SLCO5A1: variants seen among roughly 807,000 people sequenced by gnomAD.
SLCO5A1 encodes the protein organic anion transporter polypeptide-related protein 4.
SLCO5A1 carries 39 observed loss-of-function variants against 65.1 expected under a neutral mutation model. That is an observed-to-expected ratio of 0.60 (90% CI 0.46 to 0.78). The LOEUF (loss-of-function observed/expected upper bound fraction) is 0.78. SLCO5A1 is among the 30% of genes least tolerant of loss of function. The probability of loss-of-function intolerance (pLI) is 0.00; values close to 1 mark genes in which losing one functional copy is unlikely to be tolerated. For synonymous variants in SLCO5A1, 438 were observed against 415.7 expected, an observed-to-expected ratio of 1.05 and a Z score of -0.65; for missense variants, 1,029 against 1,069.4, an observed-to-expected ratio of 0.96 and a Z score of 0.53.
At chr8:69,785,953 T>C (rs907485564) in intron 2 of SLCO5A1, among the ~76,000 whole-genome samples, 6 of 152,254 alleles carry the variant, frequency 3.9e-5, no homozygotes, top group African/African-American at 1.2e-4. Context: ...AAAGTTATTA[T>C]AGAGATGTTT....
intron 4 of SLCO5A1, among the ~76,000 whole-genome samples, chr8:69,747,376 G>A (rs1380784853): frequency 6.6e-6 from 1 of 151,790 alleles, no homozygotes; most frequent in African/African-American, 2.4e-5. Context: ...CTGCATCCAT[G>A]GATTCTGCAT....
chr8:69,698,611 T>C (rs1814595143), intron 6 of SLCO5A1, among the ~76,000 whole-genome samples: 1 of 152,350 alleles, frequency 6.6e-6, no homozygotes, highest in East Asian at 1.9e-4. Context: ...TGACTAGTGA[T>C]GTTGAGCATT....
At chr8:69,714,716 C>T (rs1815433157) in intron 5 of SLCO5A1, 1 of 152,206 alleles carries the variant, frequency 6.6e-6, no homozygotes, top group Non-Finnish European at 1.5e-5. Context: ...AGGAATTACA[C>T]ACTTCTAAAA....
chr8:69,700,898 T>C (rs935715577), intron 6 of SLCO5A1, among the ~76,000 whole-genome samples: 1 of 152,010 alleles, frequency 6.6e-6, no homozygotes, highest in Admixed American at 6.6e-5. Context: ...TACACAACCT[T>C]TTTGTAGCTA....
At chr8:69,782,999 A>ATC (rs1318265677) in intron 2 of SLCO5A1, among the ~76,000 whole-genome samples, 1 of 152,160 alleles carries the variant, frequency 6.6e-6, no homozygotes, top group Non-Finnish European at 1.5e-5. Flanking sequence ...GTGCTTCCTC[A>ATC]TCTATAAATA....
intron 5 of SLCO5A1, among the ~76,000 whole-genome samples, chr8:69,715,654 T>C (rs1483554201): frequency 6.6e-6 from 1 of 152,220 alleles, no homozygotes; most frequent in Non-Finnish European, 1.5e-5. Flanking sequence ...ATCTGAACTA[T>C]ACCTATTAGA....
intron 2 of SLCO5A1, among the ~76,000 whole-genome samples, chr8:69,796,124 A>C (rs956975847): frequency 2.6e-5 from 4 of 152,310 alleles, no homozygotes; most frequent in African/African-American, 9.6e-5. Flanking sequence ...AGGAGCTGTC[A>C]TGAAGGTCTC....
rs148779881 is a variant in SLCO5A1 at position 69,781,307 on chromosome 8, A to T, written c.908-19432T>A. Among the ~76,000 whole-genome samples the T allele has an allele frequency of 6.8e-4, 103 of 152,364 alleles. 3 individuals are homozygous for T. In the South Asian group the frequency reaches 0.013, roughly 19 times the overall value. ...AGTCCCTGCAGTCATTGGCATCACC[A>T]TGGCCATCCATTGGATTTTATAGAC... On this transcript the variant is annotated intron_variant, in intron 2 of 9. Coordinates refer to ENST00000260126, the MANE Select transcript of SLCO5A1 (RefSeq NM_030958.3).
intron 2 of SLCO5A1, among the ~76,000 whole-genome samples, chr8:69,784,902 GAAAGAAAGA>G (rs1818974435): frequency 6.8e-5 from 3 of 44,358 alleles, no homozygotes; most frequent in South Asian, 1.3e-3. Context: ...AAGGAAGAAA[GAAAGAAAGA>G]AAGAAAGAAA....
At chr8:69,737,428 T>G (rs1021805359) in intron 5 of SLCO5A1, among the ~76,000 whole-genome samples, 3 of 152,170 alleles carry the variant, frequency 2.0e-5, no homozygotes, top group Admixed American at 6.6e-5. Context: ...TACTGAAAAT[T>G]CCTCCAATAT....
chr8:69,789,384 T>G (rs571445279), intron 2 of SLCO5A1, among the ~76,000 whole-genome samples: 1 of 152,348 alleles, frequency 6.6e-6, no homozygotes, highest in Admixed American at 6.5e-5. Context: ...CAAGATGTTT[T>G]AGCTTCCTAG....
At position 69,678,988 on chromosome 8, in the gene SLCO5A1, G is replaced by A. The variant is rs182744732; in HGVS notation, c.2024+390C>T. On this transcript the variant is annotated intron_variant, in intron 8 of 9. Coordinates refer to ENST00000260126, the MANE Select transcript of SLCO5A1 (RefSeq NM_030958.3). ...AGATAATAGCCTTTGCTGTATGCAC[G>A]ATTTAGCAACTTTCTCAAATTACTT... Among the ~76,000 whole-genome samples the A allele has an allele frequency of 5.3e-5, 8 of 152,280 alleles. No individual in the cohort carries two copies. The East Asian group carries it at 9.6e-4, about 18-fold the overall frequency.
At chr8:69,680,875 A>T (rs1813738936) in intron 7 of SLCO5A1, among the ~76,000 whole-genome samples, 1 of 152,244 alleles carries the variant, frequency 6.6e-6, no homozygotes. Context: ...GGACTGTGAC[A>T]GAGTCAGACT....
At chr8:69,764,161 C>A (rs1817944927) in intron 2 of SLCO5A1, among the ~76,000 whole-genome samples, 1 of 152,220 alleles carries the variant, frequency 6.6e-6, no homozygotes, top group African/African-American at 2.4e-5. Context: ...CCACACCCAG[C>A]CAATAAACAC....
chr8:69,742,096 G>GCTGTCCCTAACTCT (rs1816810091), intron 4 of SLCO5A1, among the ~76,000 whole-genome samples: 1 of 152,180 alleles, frequency 6.6e-6, no homozygotes, highest in Non-Finnish European at 1.5e-5. Flanking sequence ...AAGTATTAGG[G>GCTGTCCCTAACTCT]ACAGTAGAGT....
intron 6 of SLCO5A1, among the ~76,000 whole-genome samples, chr8:69,697,338 C>T (rs561057667): frequency 1.6e-4 from 24 of 152,082 alleles, no homozygotes; most frequent in South Asian, 4.2e-4. Context: ...TGCAGTGAGC[C>T]GAGATTGTGC....
In SLCO5A1 at chr8:69,671,986, A is replaced by G. The variant is rs527803541; in HGVS notation, c.*883T>C. 5 of 152,362 alleles carry G rather than the reference A, an allele frequency of 3.3e-5. 2 individuals are homozygous for G. The South Asian group carries it at 1.0e-3, about 32-fold the overall frequency. The allele number at this position is 152,362 out of a possible 1,614,324, so 9.4% of individuals were successfully genotyped here. ...TGACTTTGTGGGCCCGTAGAGCTAA[A>G]GAAAATTTCTGCAACAATTTTCTTG... On this transcript the variant is annotated 3_prime_UTR_variant, in exon 10 of 10. Coordinates refer to ENST00000260126, the MANE Select transcript of SLCO5A1 (RefSeq NM_030958.3).
In SLCO5A1 at chr8:69,669,347, T is replaced by C. The variant is rs1422704785; in HGVS notation, c.*3522A>G. Reference sequence around the variant, plus strand: ...AAATTGAAATGCTTTAATCTCACGATTTTATAGTCACCTTGCCTTTGTTAA... The same window carrying C: ...AAATTGAAATGCTTTAATCTCACGACTTTATAGTCACCTTGCCTTTGTTAA... On this transcript the variant is annotated 3_prime_UTR_variant, in exon 10 of 10. Transcript: ENST00000260126. The C allele has an allele frequency of 6.6e-6, 1 of 152,172 alleles. No individual in the cohort carries two copies. Among genetic ancestry groups the C allele is most frequent in the Non-Finnish European group, 1.5e-5 (1 of 68,034 alleles). 9.4% of individuals were successfully genotyped at this position (152,172 alleles called of 1,614,324 possible).
At position 69,832,380 on chromosome 8, in the gene SLCO5A1, C is replaced by A. The variant is rs1450209920; in HGVS notation, c.294G>T (p.Arg98Ser). ...CCGAGAAGGTTTTGCTGAGGTCCAC[C>A]CTGTGGTTACAGTCCCCGAGCCCCG... ...TSAGLGDCNH[R>S]VDLSKTFSVS... The change falls in exon 2 of 10, where the codon AGG becomes AGT. Residue 98 changes from arginine (R) to serine (S), a missense_variant. Around this residue, in one of 3 missense-constraint regions of SLCO5A1, gnomAD observed 647 missense variants for 647.5 expected, o/e 1.00. Coordinates refer to ENST00000260126, the MANE Select transcript of SLCO5A1 (RefSeq NM_030958.3). This position sits in a 1 kb window ranked among gnomAD's most constrained non-coding sequence, Gnocchi z 4.5. 6.2e-7 allele frequency: 1 copy of A among 1,613,336 alleles called. No homozygotes were observed. Among genetic ancestry groups the A allele is most frequent in the Non-Finnish European group, 8.5e-7 (1 of 1,179,656 alleles).
Sources: allele counts gnomAD v4.1 joint callset (sites outside exome capture counted in the v4.1 genomes callset), GRCh38; gene constraint gnomAD v4.1.1; regional missense constraint gnomAD v4.1.1; non-coding constraint Gnocchi (gnomAD v3.1); transcripts MANE v1.5; gene names NCBI Gene and HGNC (gene_info 2026-07-23, HGNC 2026-07-21).